Variants in CACUL1 observed in about 807,000 individuals in gnomAD.
The protein encoded by CACUL1 is CDK2 associated cullin domain 1, also known as CDK2-associated and cullin domain-containing protein 1.
A neutral mutation model predicts 45.2 loss-of-function variants in CACUL1; 13 were observed. The observed-to-expected ratio is 0.29, with a 90% confidence interval of 0.19 to 0.46. The LOEUF (loss-of-function observed/expected upper bound fraction) is 0.46, where lower values mean the gene tolerates loss of function less well. CACUL1 is among the 20% of genes least tolerant of loss of function. CACUL1 has a pLI of 1.00. For synonymous variants in CACUL1, 197 were observed against 174.2 expected (o/e 1.13, Z -1.03); for missense variants, 421 against 471.4 (o/e 0.89, Z 0.99).
intron 3 of CACUL1, among the ~76,000 whole-genome samples, chr10:118,710,456 A>T (rs1845474193): frequency 6.6e-6 from 1 of 152,184 alleles, no homozygotes; most frequent in Admixed American, 6.5e-5. Context: ...ACAACTGTCT[A>T]CACCTCTGGT....
At chr10:118,695,554 T>C (rs1242891067) in intron 5 of CACUL1, among the ~76,000 whole-genome samples, 1 of 152,228 alleles carries the variant, frequency 6.6e-6, no homozygotes, top group African/African-American at 2.4e-5. Flanking sequence ...CCATTACATT[T>C]GGAGAATAAA....
chr10:118,741,159 G>A (rs1349576801), intron 1 of CACUL1, among the ~76,000 whole-genome samples: 2 of 152,056 alleles, frequency 1.3e-5, no homozygotes, highest in Non-Finnish European at 1.5e-5. Context: ...GAAGGGGTAG[G>A]GAAAGGAACC....
At chr10:118,748,378 C>T (rs1337196512) in intron 1 of CACUL1, among the ~76,000 whole-genome samples, 1 of 152,188 alleles carries the variant, frequency 6.6e-6, no homozygotes, top group East Asian at 1.9e-4. Context: ...AGCTGCAACA[C>T]AGAACCACTG....
At chr10:118,716,355 C>T (rs1258908379) in intron 3 of CACUL1, among the ~76,000 whole-genome samples, 1 of 148,056 alleles carries the variant, frequency 6.8e-6, no homozygotes, top group Non-Finnish European at 1.5e-5. Context: ...ACAAATATGG[C>T]TTATTTTGTA....
At chr10:118,751,405 T>C (rs1845897005) in intron 1 of CACUL1, among the ~76,000 whole-genome samples, 1 of 152,210 alleles carries the variant, frequency 6.6e-6, no homozygotes, top group African/African-American at 2.4e-5. Context: ...AGTCTATCCA[T>C]TTATGATATT....
intron 3 of CACUL1, among the ~76,000 whole-genome samples, chr10:118,709,089 T>C (rs1336558972): frequency 6.6e-6 from 1 of 152,242 alleles, no homozygotes; most frequent in Non-Finnish European, 1.5e-5. Context: ...ATATGTATCA[T>C]TTATACTGTA....
chr10:118,708,751 G>GA (rs531376945), intron 3 of CACUL1, among the ~76,000 whole-genome samples: 32 of 152,160 alleles, frequency 2.1e-4, no homozygotes, highest in Non-Finnish European at 3.8e-4. Context: ...ATAGGGCTCA[G>GA]AAAAAAGGCC....
chr10:118,754,022 G>A (rs1035973207), intron 1 of CACUL1, among the ~76,000 whole-genome samples: 1 of 152,208 alleles, frequency 6.6e-6, no homozygotes, highest in Admixed American at 6.5e-5. Flanking sequence ...CGAGACTCAG[G>A]CAGCCTTATT....
chr10:118,750,521 T>C (rs1460699447), intron 1 of CACUL1, among the ~76,000 whole-genome samples: 1 of 152,168 alleles, frequency 6.6e-6, no homozygotes, highest in East Asian at 1.9e-4. Flanking sequence ...CTACCATGTA[T>C]CCATCAAGAT....
chr10:118,690,323 A>G (rs1020124690), intron 7 of CACUL1, among the ~76,000 whole-genome samples: 2 of 151,480 alleles, frequency 1.3e-5, no homozygotes, highest in African/African-American at 2.4e-5. Flanking sequence ...AAAAAAAAAA[A>G]AAAAAAAAGA....
At chr10:118,705,613 T>C (rs1323363198) in intron 4 of CACUL1, among the ~76,000 whole-genome samples, 10 of 152,190 alleles carry the variant, frequency 6.6e-5, no homozygotes, top group African/African-American at 2.4e-5. Context: ...AAAATAAATG[T>C]CTTTATTTGA....
At chr10:118,705,520 G>A (rs1051572108) in intron 4 of CACUL1, among the ~76,000 whole-genome samples, 2 of 152,114 alleles carry the variant, frequency 1.3e-5, no homozygotes, top group Non-Finnish European at 2.9e-5. Context: ...GAAAACTTCA[G>A]AAGTACTTAG....
Position 118,682,153 on chromosome 10 carries a change from C to T in CACUL1, c.*3975G>A, listed in dbSNP as rs1338506401. 2 of 152,100 alleles carry T rather than the reference C, an allele frequency of 1.3e-5. No homozygotes were observed. The highest frequency in any genetic ancestry group is 2.4e-5 in the African/African-American group (1 of 41,404). The allele number at this position is 152,100 out of a possible 1,614,324, so 9.4% of individuals were successfully genotyped here. On this transcript the variant is annotated 3_prime_UTR_variant, in exon 9 of 9. Coordinates refer to ENST00000369151, the MANE Select transcript of CACUL1 (RefSeq NM_153810.5). The stretch of plus-strand genomic sequence containing the variant: ...AGGCCTAGACTTGGATTAAAGTAAA[C>T]GTAATATTCCAAGCTAAAAGAGGCA...
intron 1 of CACUL1, among the ~76,000 whole-genome samples, chr10:118,730,901 A>AAAGAGTAAGAGT (rs1272900276): frequency 6.6e-6 from 1 of 152,192 alleles, no homozygotes; most frequent in East Asian, 1.9e-4. Flanking sequence ...CTGCAATCAC[A>AAAGAGTAAGAGT]AAGAGGTTGC....
chr10:118,725,995 C>G (rs1845648488), intron 3 of CACUL1, among the ~76,000 whole-genome samples: 1 of 152,152 alleles, frequency 6.6e-6, no homozygotes, highest in Non-Finnish European at 1.5e-5. Context: ...AGGCTGACGC[C>G]CTGTAGGTCC....
chr10:118,700,297 A>G (rs1845366035), intron 5 of CACUL1, among the ~76,000 whole-genome samples: 1 of 152,164 alleles, frequency 6.6e-6, no homozygotes, highest in Admixed American at 6.5e-5. Flanking sequence ...AGGAGCTTTA[A>G]AAGGACGCTG....
At position 118,681,959 on chromosome 10, in the gene CACUL1, A is replaced by G. The variant is rs912551486; in HGVS notation, c.*4169T>C. On this transcript the variant is annotated 3_prime_UTR_variant, in exon 9 of 9. Coordinates refer to ENST00000369151, the MANE Select transcript of CACUL1 (RefSeq NM_153810.5). ...AGTGGGGTAATGAAAGAAACAGGAG[A>G]GCCATTTCTCCAGGAACTCCTATGA... is the stretch of plus-strand genomic sequence containing the variant. The G allele has an allele frequency of 6.6e-6, 1 of 152,186 alleles. No homozygotes were observed. Among genetic ancestry groups the G allele is most frequent in the Non-Finnish European group, 1.5e-5 (1 of 68,024 alleles). The allele number at this position is 152,186 out of a possible 1,614,324, so 9.4% of individuals were successfully genotyped here.
intron 3 of CACUL1, among the ~76,000 whole-genome samples, chr10:118,718,875 G>A (rs1159224118): frequency 6.6e-6 from 1 of 152,158 alleles, no homozygotes; most frequent in Non-Finnish European, 1.5e-5. Flanking sequence ...GCCCGGCCAA[G>A]GCATGCCCAT....
intron 5 of CACUL1, among the ~76,000 whole-genome samples, chr10:118,697,253 T>G (rs140799689): frequency 6.6e-6 from 1 of 152,300 alleles, no homozygotes; most frequent in East Asian, 1.9e-4. Context: ...TTTTAACAAG[T>G]GAGGAAACTG....
Sources: allele counts gnomAD v4.1 joint callset (sites outside exome capture counted in the v4.1 genomes callset), GRCh38; gene constraint gnomAD v4.1.1; transcripts MANE v1.5; gene names NCBI Gene and HGNC (gene_info 2026-07-23, HGNC 2026-07-21).